ADCY9: variants seen among roughly 807,000 people sequenced by gnomAD.
ADCY9 encodes the protein adenylate cyclase type 9.
Under a neutral mutation model 101.5 loss-of-function variants are expected in ADCY9, and 50 were observed. That is an observed-to-expected ratio of 0.49 (90% CI 0.39 to 0.62). ADCY9 has a LOEUF of 0.62. Ranked by LOEUF, ADCY9 falls within the 20% of genes least tolerant of loss-of-function variation. The pLI is 0.00. For missense variants in ADCY9, 1,662 were observed against 1,800.4 expected (o/e 0.92, Z 1.39); for synonymous variants, 905 against 769.3 (o/e 1.18, Z -2.92).
Position 4,040,573 on chromosome 16 carries a change from C to T in ADCY9, c.1694-33015G>A, listed in dbSNP as rs184632229. On this transcript the variant is annotated intron_variant, in intron 2 of 10. Transcript: ENST00000294016. ...CTGGGTTCATGCGATCCTCCCACTT[C>T]GGCCTCCCGAGTAGCTAGGATTACA... Among the ~76,000 whole-genome samples the T allele has an allele frequency of 6.2e-4, 94 of 152,012 alleles. 1 individual carries two copies. Among genetic ancestry groups the T allele is most frequent in the African/African-American group, 2.0e-3 (83 of 41,462 alleles).
At chr16:3,996,482 T>C (rs915000999) in intron 3 of ADCY9, among the ~76,000 whole-genome samples, 2 of 152,140 alleles carry the variant, frequency 1.3e-5, no homozygotes, top group Admixed American at 6.5e-5. Flanking sequence ...TACCCATGCC[T>C]AAAAGATGCC....
chr16:4,081,037 G>C lies in ADCY9; in HGVS notation c.1693+32713C>G, dbSNP rs1373152496. 6.6e-5 allele frequency among the ~76,000 whole-genome samples: 10 copies of C among 152,128 alleles called. No individual in the cohort carries two copies. The East Asian group carries it at 1.9e-3, about 29-fold the overall frequency. Reference sequence around the variant, plus strand: ...AGAACTGAACCTTGACTCGAGGTAGGGAAAACACTATTTTTAAACCGAGAA... The same window carrying C: ...AGAACTGAACCTTGACTCGAGGTAGCGAAAACACTATTTTTAAACCGAGAA... On this transcript the variant is annotated intron_variant, in intron 2 of 10. Transcript: ENST00000294016.
chr16:4,033,270 T>A (rs2141756393), intron 2 of ADCY9, among the ~76,000 whole-genome samples: 1 of 152,250 alleles, frequency 6.6e-6, no homozygotes, highest in East Asian at 1.9e-4. Context: ...AGACAAAAAA[T>A]TTATTATTTA....
chr16:4,113,943 C>G lies in ADCY9; in HGVS notation c.1500G>C (p.Leu500=). 2 of 1,614,056 alleles carry G rather than the reference C, an allele frequency of 1.2e-6. No individual in the cohort carries two copies. The highest frequency in any genetic ancestry group is 1.7e-6 in the Non-Finnish European group (2 of 1,180,024). ...VHTGTVLCGI[L]GMRRFKFDVW... ...CGTCAAATTTAAACCTCCTCATGCC[C>G]AGGATGCCGCAAAGGACGGTGCCCG... Residue 500 remains leucine, a synonymous_variant, in exon 2 of 11, where the codon CTG becomes CTC. Coordinates refer to ENST00000294016, the MANE Select transcript of ADCY9 (RefSeq NM_001116.4).
chr16:3,981,206 G>GT (rs1178192854), intron 7 of ADCY9, among the ~76,000 whole-genome samples: 1 of 152,244 alleles, frequency 6.6e-6, no homozygotes, highest in East Asian at 1.9e-4. Flanking sequence ...TCCTTGGGGA[G>GT]TATGTCTGTG....
At chr16:4,045,847 C>T (rs1469630194) in intron 2 of ADCY9, among the ~76,000 whole-genome samples, 1 of 146,626 alleles carries the variant, frequency 6.8e-6, no homozygotes, top group Non-Finnish European at 1.5e-5. Flanking sequence ...TACAGACATG[C>T]ACCACCATGC....
chr16:4,015,110 T>A lies in ADCY9; in HGVS notation c.1694-7552A>T, dbSNP rs529205877. Among the ~76,000 whole-genome samples the A allele has an allele frequency of 3.3e-5, 5 of 151,796 alleles. No individual in the cohort carries two copies. The South Asian group carries it at 1.0e-3, about 32-fold the overall frequency. ...ACCCACCACTATGCCTGGCTAATTTTTTTTGTATTTTTAGTAGAGATGGGG... is the reference window on the plus strand; with the variant it reads ...ACCCACCACTATGCCTGGCTAATTTATTTTGTATTTTTAGTAGAGATGGGG... On this transcript the variant is annotated intron_variant, in intron 2 of 10. Transcript: ENST00000294016.
At chr16:4,023,650 C>T (rs1035031366) in intron 2 of ADCY9, among the ~76,000 whole-genome samples, 1 of 152,176 alleles carries the variant, frequency 6.6e-6, no homozygotes. Context: ...CAGTGATTCA[C>T]ACCTGTAATC....
At chr16:4,067,221 AAAT>A (rs1379004123) in intron 2 of ADCY9, among the ~76,000 whole-genome samples, 2 of 152,252 alleles carry the variant, frequency 1.3e-5, no homozygotes, top group East Asian at 1.9e-4. Context: ...AAACAGATTG[AAAT>A]AATATTTAGA....
Position 4,116,194 on chromosome 16 carries a change from C to G in ADCY9, c.-548G>C, listed in dbSNP as rs926197554. 2 of 146,226 alleles carry G rather than the reference C, an allele frequency of 1.4e-5. No homozygotes were observed. Among genetic ancestry groups the G allele is most frequent in the Non-Finnish European group, 3.0e-5 (2 of 65,784 alleles). The allele number at this position is 146,226 out of a possible 1,614,324, so 9.1% of individuals were successfully genotyped here. A position where few individuals can be genotyped will look rare whatever the true frequency, so the allele number is the denominator to read the frequency against. ...GCTCCCGCCGCGGCCGCAGCTGTCC[C>G]GGGACCGAGCGCGTGGAACCACGGA... On this transcript the variant is annotated 5_prime_UTR_variant, in exon 1 of 11. Coordinates refer to ENST00000294016, the MANE Select transcript of ADCY9 (RefSeq NM_001116.4).
At chr16:4,061,950 G>A (rs998729141) in intron 2 of ADCY9, among the ~76,000 whole-genome samples, 9 of 152,180 alleles carry the variant, frequency 5.9e-5, no homozygotes, top group Non-Finnish European at 1.0e-4. Context: ...TACCACAGAG[G>A]AGGTAGATAG....
intron 7 of ADCY9, among the ~76,000 whole-genome samples, chr16:3,980,579 G>T (rs571052528): frequency 3.4e-4 from 52 of 152,266 alleles, no homozygotes; most frequent in African/African-American, 1.3e-3. Context: ...CTTCGGGCCT[G>T]AACACCTACC....
chr16:4,087,466 G>A lies in ADCY9; in HGVS notation c.1693+26284C>T, dbSNP rs115877992. The stretch of plus-strand genomic sequence containing the variant: ...CATGAGAATTGTTTGAACCCAAGAG[G>A]TGGATGCTGTAGTGAGCTATGATCA... On this transcript the variant is annotated intron_variant, in intron 2 of 10. Transcript: ENST00000294016. Among the ~76,000 whole-genome samples the A allele has an allele frequency of 9.4e-3, 1,427 of 151,412 alleles. 23 individuals carry two copies. The highest frequency in any genetic ancestry group is 0.032 in the African/African-American group (1,320 of 41,324).
intron 2 of ADCY9, chr16:4,053,887 A>G (rs1394744118): frequency 6.6e-6 from 1 of 152,200 alleles, no homozygotes; most frequent in Non-Finnish European, 1.5e-5. Flanking sequence ...GGCATTACCC[A>G]GAGGAGCAAG....
Position 4,046,343 on chromosome 16 carries a change from G to T in ADCY9, c.1694-38785C>A, listed in dbSNP as rs186550831. Among the ~76,000 whole-genome samples the T allele has an allele frequency of 6.0e-3, 908 of 151,284 alleles. 12 individuals are homozygous for T. Among genetic ancestry groups the T allele is most frequent in the African/African-American group, 0.021 (860 of 41,158 alleles). On this transcript the variant is annotated intron_variant, in intron 2 of 10. Transcript: ENST00000294016. The stretch of plus-strand genomic sequence containing the variant: ...CCCCCACGCCCCCGAACTTATATTC[G>T]TCACCATATGTTGTGCAGATCCACG...
intron 2 of ADCY9, among the ~76,000 whole-genome samples, chr16:4,054,438 ATT>A (rs1234467281): frequency 6.6e-6 from 1 of 152,106 alleles, no homozygotes; most frequent in Non-Finnish European, 1.5e-5. Flanking sequence ...TTCTGAAATG[ATT>A]TTCACTCAAA....
At chr16:3,955,243 G>A (rs1469973930) in intron 5 of ADCY9, among the ~76,000 whole-genome samples, 1 of 151,628 alleles carries the variant, frequency 6.6e-6, no homozygotes, top group Non-Finnish European at 1.5e-5. Context: ...AAAGTAGTTG[G>A]ACCAGGCGAG....
At chr16:4,002,945 A>T (rs1446049354) in intron 3 of ADCY9, among the ~76,000 whole-genome samples, 2 of 152,164 alleles carry the variant, frequency 1.3e-5, no homozygotes, top group African/African-American at 2.4e-5. Flanking sequence ...TGAACTCCTG[A>T]CCGCAGGTGA....
intron 2 of ADCY9, among the ~76,000 whole-genome samples, chr16:4,095,594 G>T (rs895730687): frequency 2.6e-5 from 4 of 152,172 alleles, no homozygotes; most frequent in African/African-American, 4.8e-5. Context: ...GTTCACATGG[G>T]AACTGAAGCA....
Sources: gnomAD v4.1 joint callset for allele counts (sites outside exome capture counted in the v4.1 genomes callset) on GRCh38, gnomAD v4.1.1 for gene constraint, MANE v1.5 for transcripts, NCBI Gene and HGNC (gene_info 2026-07-23, HGNC 2026-07-21) for gene names.